NXPE3: variants seen among roughly 807,000 people sequenced by gnomAD.
NXPE3 encodes the protein neurexophilin and PC-esterase domain family member 3, also known as NXPE family member 3.
A neutral mutation model predicts 46.1 loss-of-function variants in NXPE3; 26 were observed. That is an observed-to-expected ratio of 0.56 (90% CI 0.41 to 0.78). The LOEUF is 0.78. NXPE3 is among the 30% of genes least tolerant of loss of function. The pLI is 0.00. For missense variants in NXPE3, 620 were observed against 686.0 expected, an observed-to-expected ratio of 0.90 and a Z score of 1.07; for synonymous variants, 272 against 257.9, an observed-to-expected ratio of 1.05 and a Z score of -0.52.
Position 101,826,346 on chromosome 3 carries a change from A to G in NXPE3, c.*4392A>G, listed in dbSNP as rs979877671. 7.9e-5 allele frequency: 12 copies of G among 152,330 alleles called. No individual in the cohort carries two copies. The highest frequency in any genetic ancestry group is 1.6e-4 in the Non-Finnish European group (11 of 68,034). 9.4% of individuals were successfully genotyped at this position (152,330 alleles called of 1,614,324 possible). On this transcript the variant is annotated 3_prime_UTR_variant, in exon 8 of 8. Coordinates refer to ENST00000273347, the MANE Select transcript of NXPE3 (RefSeq NM_145037.4). ...TCCCCAACTTTCTAAAAAACTGCTC[A>G]GCATTATCTCTGTGGATTCTGGGTA...
chr3:101,794,670 CAAAA>C (rs958731052), intron 4 of NXPE3, among the ~76,000 whole-genome samples: 3 of 151,762 alleles, frequency 2.0e-5, no homozygotes, highest in East Asian at 1.9e-4. Context: ...TTATAATAGA[CAAAA>C]AAAGATAGTT....
chr3:101,815,115 C>T (rs1189747741), intron 6 of NXPE3, among the ~76,000 whole-genome samples: 1 of 152,176 alleles, frequency 6.6e-6, no homozygotes, highest in Non-Finnish European at 1.5e-5. Context: ...GCATTTTCTA[C>T]AGGAGGTGTT....
chr3:101,786,163 A>T (rs1487866170), intron 4 of NXPE3, among the ~76,000 whole-genome samples: 1 of 152,128 alleles, frequency 6.6e-6, no homozygotes, highest in African/African-American at 2.4e-5. Context: ...CTCAGGGACC[A>T]TGTCTTACTG....
intron 4 of NXPE3, among the ~76,000 whole-genome samples, chr3:101,790,257 G>T (rs1940428732): frequency 1.3e-5 from 2 of 152,104 alleles, no homozygotes; most frequent in Non-Finnish European, 2.9e-5. Context: ...TCATGGTGTT[G>T]GTTGTCTTCT....
chr3:101,806,494 T>A (rs1248744291), intron 5 of NXPE3, among the ~76,000 whole-genome samples: 1 of 152,128 alleles, frequency 6.6e-6, no homozygotes, highest in Non-Finnish European at 1.5e-5. Flanking sequence ...ATGTTTTATT[T>A]TATTTTATTT....
At chr3:101,783,804 A>G (rs928827607) in intron 3 of NXPE3, among the ~76,000 whole-genome samples, 3 of 152,174 alleles carry the variant, frequency 2.0e-5, no homozygotes, top group Admixed American at 6.5e-5. Context: ...GAAGGATTTC[A>G]ATGGCAGAAC....
chr3:101,802,963 G>T (rs569023305), intron 5 of NXPE3, among the ~76,000 whole-genome samples: 1 of 152,310 alleles, frequency 6.6e-6, no homozygotes, highest in South Asian at 2.1e-4. Flanking sequence ...GAAGGCTGGA[G>T]CCCAGGAGTT....
In NXPE3 at chr3:101,826,535, AGTT is replaced by A. The variant is rs1043826790; in HGVS notation, c.*4588_*4590del. 2 of 152,094 alleles carry A rather than the reference AGTT, an allele frequency of 1.3e-5. No homozygotes were observed. Among genetic ancestry groups the A allele is most frequent in the African/African-American group, 4.8e-5 (2 of 41,400 alleles). 9.4% of individuals were successfully genotyped at this position (152,094 alleles called of 1,614,324 possible). The stretch of plus-strand genomic sequence containing the variant: ...CAGTGTGCAATAAATAAAATTTTGA[AGTT>A]GTTGTTTTTCATTTGAAGGTGAGAC... On this transcript the variant is annotated 3_prime_UTR_variant, in exon 8 of 8. Transcript: ENST00000273347.
intron 5 of NXPE3, among the ~76,000 whole-genome samples, chr3:101,802,729 A>C (rs1941228883): frequency 6.6e-6 from 1 of 152,000 alleles, no homozygotes; most frequent in South Asian, 2.1e-4. Context: ...TTTCTATTTC[A>C]AATGTAAGCT....
rs1942327578 is a variant in NXPE3, at chr3:101,823,033, C to T, written c.*1079C>T. ...TGCTTGGAAGAAGCTGCTATTCCTACTGGCTATCTAAGAAGAATGGAATTA... is the reference window on the plus strand; with the variant it reads ...TGCTTGGAAGAAGCTGCTATTCCTATTGGCTATCTAAGAAGAATGGAATTA... On this transcript the variant is annotated 3_prime_UTR_variant, in exon 8 of 8. Coordinates refer to ENST00000273347, the MANE Select transcript of NXPE3 (RefSeq NM_145037.4). 1 of 152,118 alleles carries T rather than the reference C, an allele frequency of 6.6e-6. No individual in the cohort carries two copies. The highest frequency in any genetic ancestry group is 1.5e-5 in the Non-Finnish European group (1 of 68,012). 9.4% of individuals were successfully genotyped at this position (152,118 alleles called of 1,614,324 possible).
chr3:101,821,387 A>G lies in NXPE3; in HGVS notation c.1130-17A>G. The G allele has an allele frequency of 6.2e-7, 1 of 1,603,434 alleles. No homozygotes were observed. Among genetic ancestry groups the G allele is most frequent in the Admixed American group, 1.7e-5 (1 of 59,702 alleles). ...TGGTTTGAAGGTTTTTATGAACTTG[A>G]GTTTTCCTTGTTTCAGATTTAGTGG... is the stretch of plus-strand genomic sequence containing the variant. On this transcript the variant is annotated splice_polypyrimidine_tract_variant and intron_variant, in intron 7 of 7. Transcript: ENST00000273347.
chr3:101,817,101 C>A, intron 7 of NXPE3, 100 bp downstream of exon 7: 1 of 1,036,168 alleles, frequency 9.7e-7, no homozygotes, highest in Admixed American at 1.8e-5. Context: ...GGTGAGGAAA[C>A]ATATATTTCT....
chr3:101,787,822 A>G (rs1427694293), intron 4 of NXPE3, among the ~76,000 whole-genome samples: 2 of 152,214 alleles, frequency 1.3e-5, no homozygotes, highest in Non-Finnish European at 2.9e-5. Context: ...TTATCCATTC[A>G]TCTGACATTT....
chr3:101,813,346 A>G (rs1387326438), intron 6 of NXPE3, among the ~76,000 whole-genome samples: 1 of 152,106 alleles, frequency 6.6e-6, no homozygotes, highest in Admixed American at 6.5e-5. Context: ...CTCACCCCGC[A>G]GCCCTCCCTG....
Position 101,807,056 on chromosome 3 carries a change from T to C in NXPE3, c.852T>C (p.Gly284=). 6.2e-7 allele frequency: 1 copy of C among 1,609,468 alleles called. No individual in the cohort carries two copies. Among genetic ancestry groups the C allele is most frequent in the Non-Finnish European group, 8.5e-7 (1 of 1,175,828 alleles). ...TAAESAFFQS[G]VNIKMPVNSS... ...TGCTTTTTTATTCCTCTTAAAGTGG[T>C]GTCAATATCAAAATGCCAGTCAACT... is the stretch of plus-strand genomic sequence containing the variant. Residue 284 remains glycine (G), a synonymous_variant, in exon 6 of 8, where the codon GGT becomes GGC. Coordinates refer to ENST00000273347, the MANE Select transcript of NXPE3 (RefSeq NM_145037.4).
intron 4 of NXPE3, among the ~76,000 whole-genome samples, chr3:101,795,513 T>C (rs183488931): frequency 2.4e-5 from 3 of 126,650 alleles, no homozygotes; most frequent in Admixed American, 1.6e-4. Flanking sequence ...GTGAGACTTA[T>C]CTAAAAAAAA....
At chr3:101,814,193 A>G (rs1367416697) in intron 6 of NXPE3, among the ~76,000 whole-genome samples, 3 of 152,220 alleles carry the variant, frequency 2.0e-5, no homozygotes, top group Non-Finnish European at 4.4e-5. Flanking sequence ...TCATTCTAGT[A>G]AATGTTTTCT....
Position 101,825,957 on chromosome 3 carries a change from AC to A in NXPE3, c.*4005del, listed in dbSNP as rs1453140439. 3 of 152,150 alleles carry A rather than the reference AC, an allele frequency of 2.0e-5. No individual in the cohort carries two copies. The highest frequency in any genetic ancestry group is 7.2e-5 in the African/African-American group (3 of 41,416). The allele number at this position is 152,150 out of a possible 1,614,324, so 9.4% of individuals were successfully genotyped here. ...TTATAGAATTATCCTACTAAAAGTA[AC>A]CTTTCTTCAGCGAATGCAAAACAGA... On this transcript the variant is annotated 3_prime_UTR_variant, in exon 8 of 8. Transcript: ENST00000273347.
intron 4 of NXPE3, among the ~76,000 whole-genome samples, chr3:101,789,716 A>G (rs1003221243): frequency 6.6e-6 from 1 of 151,588 alleles, no homozygotes; most frequent in Non-Finnish European, 1.5e-5. Flanking sequence ...TTTGGCGACA[A>G]ATTTTCACTC....
Sources: allele counts gnomAD v4.1 joint callset (sites outside exome capture counted in the v4.1 genomes callset), GRCh38; gene constraint gnomAD v4.1.1; transcripts MANE v1.5; gene names NCBI Gene and HGNC (gene_info 2026-07-23, HGNC 2026-07-21).